UMOD: variants seen among roughly 807,000 people sequenced by gnomAD.
UMOD encodes Tamm-Horsfall urinary glycoprotein.
UMOD carries 64 observed loss-of-function variants against 66.0 expected under a neutral mutation model. That is an observed-to-expected ratio of 0.97 (90% CI 0.79 to 1.19). UMOD has a LOEUF of 1.19. UMOD is among the 50% of genes most tolerant of loss of function. UMOD has a pLI of 0.00. For missense variants in UMOD, 764 were observed against 850.9 expected (o/e 0.90, Z 1.27); for synonymous variants, 398 against 352.7 (o/e 1.13, Z -1.44).
At position 20,344,120 on chromosome 16, in the gene UMOD, A is replaced by G; in HGVS notation, c.1235T>C (p.Ile412Thr). 1 of 1,600,018 alleles carries G rather than the reference A, an allele frequency of 6.2e-7. No individual in the cohort carries two copies. The highest frequency in any genetic ancestry group is 8.5e-7 in the Non-Finnish European group (1 of 1,173,932). ...TTTGATGTTGAGGTCACGGATGATG[A>G]TCTCATCTGCCAGGTAGAGGGTGTT... ...YSNTLYLADE[I>T]IIRDLNIKIN... is the part of the protein sequence containing the mutation. Residue 412 changes from isoleucine (I) to threonine (T), a missense_variant, in exon 6 of 11, where the codon ATC (isoleucine) becomes ACC (threonine). Physicochemically the swap from Ile to Thr is moderately conservative, Grantham distance 89. Coordinates refer to ENST00000396138, the MANE Select transcript of UMOD (RefSeq NM_003361.4).
chr16:20,334,495 T>C (rs1322998660), intron 10 of UMOD, among the ~76,000 whole-genome samples: 5 of 152,150 alleles, frequency 3.3e-5, no homozygotes, highest in African/African-American at 1.2e-4. Context: ...CAAATATAAA[T>C]GCATGTACGT....
chr16:20,335,713 C>A (rs1270558911), intron 9 of UMOD, among the ~76,000 whole-genome samples, 193 bp from the exon 10 acceptor site: 1 of 152,196 alleles, frequency 6.6e-6, no homozygotes, highest in Non-Finnish European at 1.5e-5. Flanking sequence ...AGGTCCCAAC[C>A]CTTAGCAAGA....
rs943777389 is a variant in UMOD at position 20,348,073 on chromosome 16, G to T, written c.973+150C>A. 2 of 757,778 alleles carry T rather than the reference G, an allele frequency of 2.6e-6. 1 individual carries two copies. The highest frequency in any genetic ancestry group is 2.9e-5 in the South Asian group (2 of 69,336). The allele number at this position is 757,778 out of a possible 1,614,324, so 46.9% of individuals were successfully genotyped here. On this transcript the variant is annotated intron_variant, in intron 4 of 10. Transcript: ENST00000396138. Reference sequence around the variant, plus strand: ...AGAGAGCCTCTTGCCGGCTTTAATGGGTATTAGTGGATCTTCTGTTTTCAC... The same window carrying T: ...AGAGAGCCTCTTGCCGGCTTTAATGTGTATTAGTGGATCTTCTGTTTTCAC...
At position 20,335,499 on chromosome 16, in the gene UMOD, C is replaced by T; in HGVS notation, c.1844G>A (p.Arg615Lys). 6.2e-7 allele frequency: 1 copy of T among 1,614,120 alleles called. No individual in the cohort carries two copies. Residue 615 changes from arginine (R) to lysine (K), a missense_variant, in exon 10 of 11, where the codon AGG becomes AAG. Physicochemically the swap from Arg to Lys is conservative, Grantham distance 26. Coordinates refer to ENST00000396138, the MANE Select transcript of UMOD (RefSeq NM_003361.4). Reference sequence around the variant, plus strand: ...GAACTTACCCAAGCTGCTAAAAGCCCTTGAGACTGTGGCCTGGACACCTTT... The same window carrying T: ...GAACTTACCCAAGCTGCTAAAAGCCTTTGAGACTGTGGCCTGGACACCTTT... ...TRKGVQATVS[R>K]AFSSLGLLKV...
intron 2 of UMOD, among the ~76,000 whole-genome samples, chr16:20,350,145 G>C (rs542722823): frequency 2.0e-5 from 3 of 152,122 alleles, no homozygotes; most frequent in African/African-American, 7.2e-5. Flanking sequence ...CCAGGACACC[G>C]CAATAGTATT....
intron 4 of UMOD, among the ~76,000 whole-genome samples, chr16:20,347,060 A>G (rs535327314): frequency 6.6e-6 from 1 of 152,166 alleles, no homozygotes; most frequent in East Asian, 1.9e-4. Context: ...CTTCGGCGAC[A>G]AGCCCAGGCT....
chr16:20,347,319 G>A (rs945775565), intron 4 of UMOD, among the ~76,000 whole-genome samples: 4 of 152,176 alleles, frequency 2.6e-5, no homozygotes, highest in South Asian at 2.1e-4. Context: ...CACTGCGCCC[G>A]GCCCACTAAC....
chr16:20,355,251 G>A (rs936843668), upstream of UMOD, among the ~76,000 whole-genome samples: 4 of 152,048 alleles, frequency 2.6e-5, no homozygotes, highest in Non-Finnish European at 5.9e-5. Flanking sequence ...TGCTCATCAA[G>A]TTCACCAAAG....
Position 20,344,092 on chromosome 16 carries a change from G to T in UMOD, c.1263C>A (p.Ile421=). 6.5e-7 allele frequency: 1 copy of T among 1,539,970 alleles called. No homozygotes were observed. Among genetic ancestry groups the T allele is most frequent in the African/African-American group, 1.4e-5 (1 of 72,380 alleles). ...CCAGGGGGTAGGAGCATGCAAAGTTGATTTTGATGTTGAGGTCACGGATGA... is the reference window on the plus strand; with the variant it reads ...CCAGGGGGTAGGAGCATGCAAAGTTTATTTTGATGTTGAGGTCACGGATGA... ...EIIIRDLNIK[I]NFACSYPLDM... The change falls in exon 6 of 11, where the codon ATC becomes ATA. Residue 421 remains isoleucine, a synonymous_variant. Coordinates refer to ENST00000396138, the MANE Select transcript of UMOD (RefSeq NM_003361.4).
chr16:20,352,745 C>G, upstream of UMOD: 4 of 1,231,596 alleles, frequency 3.2e-6, no homozygotes, highest in Non-Finnish European at 3.0e-6. Flanking sequence ...CTTATATATA[C>G]ACATTTGCCC....
At chr16:20,339,752 A>G (rs1398018813) in intron 7 of UMOD, among the ~76,000 whole-genome samples, 1 of 152,316 alleles carries the variant, frequency 6.6e-6, no homozygotes, top group South Asian at 2.1e-4. Context: ...TTTCACTTTC[A>G]TTTAATAGTT....
In UMOD at chr16:20,348,662, C is replaced by T. The variant is rs932366986; in HGVS notation, c.639G>A (p.Met213Ile). 1.3e-6 allele frequency: 2 copies of T among 1,558,296 alleles called. No individual in the cohort carries two copies. Among genetic ancestry groups the T allele is most frequent in the African/African-American group, 2.7e-5 (2 of 73,892 alleles). Residue 213 changes from methionine (M) to isoleucine (I), a missense_variant, in exon 3 of 11, where the codon ATG (methionine) becomes ATA (isoleucine). Transcript: ENST00000396138. ...GCAGGACTGGCACGCAGGTCTCGGC[C>T]ATGCGCGCACCGCCCTGGCCCACGA... ...YRFVGQGGAR[M>I]AETCVPVLRC...
intron 10 of UMOD, among the ~76,000 whole-genome samples, chr16:20,334,703 A>G (rs2141626703): frequency 6.6e-6 from 1 of 152,110 alleles, no homozygotes; most frequent in South Asian, 2.1e-4. Flanking sequence ...CCAGCCCTCC[A>G]GCACACCCTG....
At chr16:20,339,460 A>G (rs1400851289) in intron 7 of UMOD, among the ~76,000 whole-genome samples, 1 of 152,252 alleles carries the variant, frequency 6.6e-6, no homozygotes, top group Non-Finnish European at 1.5e-5. Flanking sequence ...TACAATGAGG[A>G]CAAGATCAAC....
At chr16:20,349,429 T>C (rs1441982125) in intron 2 of UMOD, among the ~76,000 whole-genome samples, 5 of 152,236 alleles carry the variant, frequency 3.3e-5, no homozygotes, top group Non-Finnish European at 5.9e-5. Flanking sequence ...TTTTTAACTT[T>C]ATTTATTTTT....
intron 7 of UMOD, among the ~76,000 whole-genome samples, chr16:20,337,908 G>A (rs961275324): frequency 3.3e-5 from 5 of 152,104 alleles, no homozygotes; most frequent in African/African-American, 1.2e-4. Flanking sequence ...GCACCCATCT[G>A]CACGTATACA....
At chr16:20,345,362 T>C (rs1052267265) in intron 5 of UMOD, among the ~76,000 whole-genome samples, 9 of 151,590 alleles carry the variant, frequency 5.9e-5, no homozygotes, top group Non-Finnish European at 1.3e-4. Context: ...TCTTTCCTTC[T>C]TTCTTCCTTT....
intron 6 of UMOD, among the ~76,000 whole-genome samples, chr16:20,342,703 A>G (rs908279334): frequency 6.6e-6 from 1 of 152,214 alleles, no homozygotes; most frequent in Non-Finnish European, 1.5e-5. Context: ...GTGAGCCTCA[A>G]TTTCCACATC....
Position 20,348,343 on chromosome 16 carries a change from A to G in UMOD, c.866-13T>C. The G allele has an allele frequency of 4.3e-6, 7 of 1,614,180 alleles. No individual in the cohort carries two copies. Among genetic ancestry groups the G allele is most frequent in the Non-Finnish European group, 5.9e-6 (7 of 1,180,020 alleles). On this transcript the variant is annotated splice_polypyrimidine_tract_variant and intron_variant, in intron 3 of 10. Coordinates refer to ENST00000396138, the MANE Select transcript of UMOD (RefSeq NM_003361.4). ...ACGGAGCTGGGGTCTGCAGGGTCAC[A>G]GGGACAGACAGACAATCAATAAGGA...
Sources: allele counts gnomAD v4.1 joint callset (sites outside exome capture counted in the v4.1 genomes callset), GRCh38; gene constraint gnomAD v4.1.1; transcripts MANE v1.5; gene names NCBI Gene and HGNC (gene_info 2026-07-23, HGNC 2026-07-21).